The following FAM171A1 variants were observed in gnomAD, a reference collection of about 807,000 sequenced individuals.
FAM171A1 encodes the protein family with sequence similarity 171 member A1.
Under a neutral mutation model 74.9 loss-of-function variants are expected in FAM171A1, and 23 were observed. The ratio of observed to expected loss-of-function variants is 0.31; its 90% CI spans 0.22 to 0.44. FAM171A1 has a LOEUF of 0.44. FAM171A1 is among the 20% of genes least tolerant of loss of function. The pLI is 1.00. For synonymous variants in FAM171A1, 527 were observed against 505.7 expected (o/e 1.04, Z -0.57); for missense variants, 1,162 against 1,159.2 (o/e 1.00, Z -0.03).
rs772498448 is a variant in FAM171A1 at position 15,214,162 on chromosome 10, C to G, written c.1426G>C (p.Gly476Arg). 3.7e-6 allele frequency: 6 copies of G among 1,614,068 alleles called. No homozygotes were observed. The South Asian group carries it at 6.6e-5, about 18-fold the overall frequency. The change falls in exon 8 of 8, where the codon GGC becomes CGC. Residue 476 changes from glycine (G) to arginine (R), a missense_variant. Gly to Arg is a moderately radical substitution (Grantham distance 125). Transcript: ENST00000378116. ...TCATCATTGCCCGAGGACTCGTAGC[C>G]TTCTCTTTCCATAGATTTTCTTGCC... ...LKARKSMERE[G>R]YESSGNDDYR... is the part of the protein sequence containing the mutation.
chr10:15,296,040 T>G (rs748175697), intron 1 of FAM171A1, among the ~76,000 whole-genome samples: 2 of 152,254 alleles, frequency 1.3e-5, no homozygotes, highest in African/African-American at 2.4e-5. Context: ...AATATCAGCA[T>G]GTGCATTGAA....
intron 3 of FAM171A1, among the ~76,000 whole-genome samples, chr10:15,268,500 T>C (rs998044002): frequency 2.0e-5 from 3 of 151,994 alleles, no homozygotes; most frequent in Non-Finnish European, 4.4e-5. Context: ...TTTATACCAT[T>C]GATCACGGGA....
chr10:15,263,707 C>CTATCA (rs1430287284), intron 3 of FAM171A1, among the ~76,000 whole-genome samples: 1 of 149,778 alleles, frequency 6.7e-6, no homozygotes, highest in Non-Finnish European at 1.5e-5. Context: ...ATCATCTATC[C>CTATCA]ATCTATCCTA....
intron 1 of FAM171A1, among the ~76,000 whole-genome samples, chr10:15,295,146 C>G (rs1835145959): frequency 6.6e-6 from 1 of 151,946 alleles, no homozygotes; most frequent in African/African-American, 2.4e-5. Flanking sequence ...CCATGTTGGC[C>G]AGACTGGTCT....
chr10:15,279,403 C>T (rs749501568), intron 2 of FAM171A1, among the ~76,000 whole-genome samples: 9 of 152,142 alleles, frequency 5.9e-5, no homozygotes, highest in Non-Finnish European at 1.3e-4. Flanking sequence ...TGCAATCAAG[C>T]AGTGCCCAGG....
At chr10:15,221,112 A>G (rs1421518128) in intron 5 of FAM171A1, 52 bp from the exon 6 acceptor site, 1 of 1,446,800 alleles carries the variant, frequency 6.9e-7, no homozygotes, top group African/African-American at 1.4e-5. Context: ...GCTCCTTTGT[A>G]AGGCTTGAGC....
chr10:15,325,738 G>A (rs1256966135), intron 1 of FAM171A1, among the ~76,000 whole-genome samples: 2 of 151,948 alleles, frequency 1.3e-5, no homozygotes, highest in African/African-American at 2.4e-5. Context: ...GCTCATCTTC[G>A]CCCACGGTCG....
At chr10:15,328,561 G>A (rs1006584765) in intron 1 of FAM171A1, among the ~76,000 whole-genome samples, 2 of 152,182 alleles carry the variant, frequency 1.3e-5, no homozygotes, top group South Asian at 2.1e-4. Context: ...ATGCTGTTTC[G>A]GTAACTTGCT....
chr10:15,310,576 T>C (rs532538068), intron 1 of FAM171A1, among the ~76,000 whole-genome samples: 98 of 152,206 alleles, frequency 6.4e-4, no homozygotes, highest in African/African-American at 2.0e-3. Context: ...TAAAGACCCA[T>C]TGGGGCTGGG....
intron 3 of FAM171A1, among the ~76,000 whole-genome samples, chr10:15,263,741 GTCTATCTATCTATCTATCTA>G (rs55705228): frequency 2.5e-4 from 35 of 140,536 alleles, no homozygotes; most frequent in African/African-American, 4.4e-4. Context: ...CTATCTGTCT[GTCTATCTATCTATCTATCTA>G]TCTATCTATC....
At chr10:15,301,623 T>C (rs1399343212) in intron 1 of FAM171A1, among the ~76,000 whole-genome samples, 1 of 152,060 alleles carries the variant, frequency 6.6e-6, no homozygotes, top group Non-Finnish European at 1.5e-5. Flanking sequence ...AAGCTCAGGG[T>C]TTCTCTCCTA....
At chr10:15,337,778 G>C (rs1048424040) in intron 1 of FAM171A1, among the ~76,000 whole-genome samples, 4 of 152,020 alleles carry the variant, frequency 2.6e-5, no homozygotes, top group Non-Finnish European at 4.4e-5. Context: ...GTAAAACCCC[G>C]ACTCTACTAA....
intron 5 of FAM171A1, among the ~76,000 whole-genome samples, chr10:15,248,195 TTCTC>T (rs1332664528): frequency 6.6e-6 from 1 of 152,202 alleles, no homozygotes; most frequent in Non-Finnish European, 1.5e-5. Flanking sequence ...ATTAGTGGTT[TTCTC>T]TAGGTGGTGA....
intron 1 of FAM171A1, among the ~76,000 whole-genome samples, chr10:15,332,430 T>A (rs1045426602): frequency 6.6e-6 from 1 of 152,208 alleles, no homozygotes; most frequent in Non-Finnish European, 1.5e-5. Flanking sequence ...CTTTCTATAC[T>A]TCTCAATGCT....
At chr10:15,216,238 A>G in intron 6 of FAM171A1, 128 bp from the exon 7 acceptor site, 1 of 563,620 alleles carries the variant, frequency 1.8e-6, no homozygotes, top group Admixed American at 3.7e-5. Flanking sequence ...GCCAGAGGAA[A>G]ACGCCCTTGG....
chr10:15,370,879 C>T, intron 1 of FAM171A1, 77 bp downstream of exon 1: 1 of 705,974 alleles, frequency 1.4e-6, no homozygotes, highest in Non-Finnish European at 1.7e-6. Flanking sequence ...ACCCTCCCGC[C>T]GCCGCCGCCG....
intron 1 of FAM171A1, among the ~76,000 whole-genome samples, chr10:15,296,705 GC>G (rs45457793): frequency 0.078 from 11,855 of 152,234 alleles, 501 homozygotes; most frequent in Middle Eastern, 0.11. Flanking sequence ...TGGATCTGCG[GC>G]CCCAGTGTCT....
intron 3 of FAM171A1, among the ~76,000 whole-genome samples, chr10:15,257,863 C>T (rs1309998339): frequency 6.6e-6 from 1 of 152,106 alleles, no homozygotes; most frequent in African/African-American, 2.4e-5. Flanking sequence ...CGGTTATATT[C>T]TTAAGCCTGC....
intron 1 of FAM171A1, among the ~76,000 whole-genome samples, chr10:15,358,342 GTATTTCACACT>G (rs1835956705): frequency 1.3e-5 from 2 of 151,934 alleles, no homozygotes; most frequent in Admixed American, 1.3e-4. Context: ...ATAAATACTG[GTATTTCACACT>G]TATTTCAGAG....
Sources: allele counts gnomAD v4.1 joint callset (sites outside exome capture counted in the v4.1 genomes callset), GRCh38; gene constraint gnomAD v4.1.1; transcripts MANE v1.5; gene names NCBI Gene and HGNC (gene_info 2026-07-23, HGNC 2026-07-21).